PPA2: variants seen among roughly 807,000 people sequenced by gnomAD.
The protein encoded by PPA2 is inorganic pyrophosphatase 2.
In PPA2, 48 loss-of-function variants were observed where a neutral mutation model predicts 49.5. The observed-to-expected ratio is 0.97, with a 90% confidence interval of 0.77 to 1.23. The LOEUF (loss-of-function observed/expected upper bound fraction) is 1.23. Among genes scored for constraint, PPA2 ranks in the 50% most tolerant of loss-of-function variants. The probability of loss-of-function intolerance (pLI) is 0.00; values close to 1 mark genes in which losing one functional copy is unlikely to be tolerated. For synonymous variants in PPA2, 131 were observed against 139.9 expected (o/e 0.94, Z 0.45); for missense variants, 429 against 410.1 (o/e 1.05, Z -0.40).
At chr4:105,439,754 T>A (rs1369722557) in intron 5 of PPA2, among the ~76,000 whole-genome samples, 1 of 152,044 alleles carries the variant, frequency 6.6e-6, no homozygotes, top group East Asian at 1.9e-4. Flanking sequence ...GTTACATATG[T>A]ATACATGTGT....
intron 6 of PPA2, among the ~76,000 whole-genome samples, chr4:105,432,830 T>C (rs1723876790): frequency 6.6e-6 from 1 of 152,196 alleles, no homozygotes; most frequent in East Asian, 1.9e-4. Flanking sequence ...TGGACACCCC[T>C]GGTGTAAAGA....
intron 6 of PPA2, among the ~76,000 whole-genome samples, chr4:105,437,286 G>C (rs1724105451): frequency 1.3e-5 from 2 of 152,096 alleles, no homozygotes; most frequent in Non-Finnish European, 2.9e-5. Flanking sequence ...AAGGTAAGAT[G>C]TTCTTCTAGG....
chr4:105,437,396 T>C (rs73836209), intron 6 of PPA2, among the ~76,000 whole-genome samples: 14,366 of 152,192 alleles, frequency 0.094, 748 homozygotes, highest in African/African-American at 0.12. Flanking sequence ...CAAAGACATA[T>C]AGAAGAATTG....
At chr4:105,437,610 T>C (rs72668261) in intron 6 of PPA2, among the ~76,000 whole-genome samples, 9,647 of 152,132 alleles carry the variant, frequency 0.063, 403 homozygotes, top group Non-Finnish European at 0.096. Context: ...CATAAAATAA[T>C]AAAATAATAA....
intron 7 of PPA2, among the ~76,000 whole-genome samples, chr4:105,418,581 C>T (rs2726462): frequency 0.37 from 56,891 of 152,096 alleles, 12,598 homozygotes; most frequent in East Asian, 0.68. Context: ...AATAATTGCT[C>T]ATATGATTTA....
intron 5 of PPA2, among the ~76,000 whole-genome samples, chr4:105,443,630 C>CAT (rs1037274079): frequency 8.4e-6 from 1 of 118,516 alleles, no homozygotes; most frequent in African/African-American, 2.7e-5. Flanking sequence ...CACACACACA[C>CAT]ACACACAGAC....
At chr4:105,411,039 G>A (rs1223206982) in intron 7 of PPA2, among the ~76,000 whole-genome samples, 6 of 152,120 alleles carry the variant, frequency 3.9e-5, no homozygotes, top group Admixed American at 1.3e-4. Flanking sequence ...ACATTATAAC[G>A]ACAGGACTAA....
intron 8 of PPA2, 70 bp from the exon 9 acceptor site, chr4:105,396,404 T>A: frequency 9.6e-7 from 1 of 1,043,892 alleles, no homozygotes; most frequent in Non-Finnish European, 1.4e-6. Flanking sequence ...AACACAAAAC[T>A]AATCTTGTGA....
chr4:105,392,454 C>G (rs1382965818), intron 9 of PPA2, among the ~76,000 whole-genome samples: 2 of 152,104 alleles, frequency 1.3e-5, no homozygotes, highest in Admixed American at 6.5e-5. Context: ...GCGTGGATCA[C>G]CTGCGGTCAG....
In PPA2 at chr4:105,413,258, G is replaced by C. The variant is rs1481779741; in HGVS notation, c.655+10938C>G. Among the ~76,000 whole-genome samples, 3 of 151,570 alleles carry C rather than the reference G, an allele frequency of 2.0e-5. No homozygotes were observed. The South Asian group carries it at 6.3e-4, about 32-fold the overall frequency. ...AAAACCAAACACCACTCATAGGTGG[G>C]AGTTGAACAATGAGAACACATGGAC... On this transcript the variant is annotated intron_variant, in intron 7 of 11. Coordinates refer to ENST00000341695, the MANE Select transcript of PPA2 (RefSeq NM_176869.3).
chr4:105,371,787 T>C (rs1054873286), intron 10 of PPA2, among the ~76,000 whole-genome samples: 2 of 152,160 alleles, frequency 1.3e-5, no homozygotes, highest in African/African-American at 4.8e-5. Context: ...GTGTTCCATC[T>C]CACTATCTTG....
chr4:105,407,262 A>C (rs903425815), intron 7 of PPA2, among the ~76,000 whole-genome samples: 3 of 152,212 alleles, frequency 2.0e-5, no homozygotes, highest in Non-Finnish European at 2.9e-5. Flanking sequence ...CAAATGTAAA[A>C]GACACATGTA....
At chr4:105,370,720 T>A in intron 11 of PPA2, 117 bp downstream of exon 11, 1 of 1,183,160 alleles carries the variant, frequency 8.5e-7, no homozygotes, top group Non-Finnish European at 1.1e-6. Flanking sequence ...ATATTTCACT[T>A]AGCTTATACA....
chr4:105,465,941 G>A (rs542203053), intron 1 of PPA2, among the ~76,000 whole-genome samples: 15 of 152,042 alleles, frequency 9.9e-5, no homozygotes, highest in Admixed American at 5.2e-4. Context: ...CAATCTCTAC[G>A]TCACTTCTTC....
At chr4:105,408,148 G>T (rs942126843) in intron 7 of PPA2, among the ~76,000 whole-genome samples, 17 of 152,236 alleles carry the variant, frequency 1.1e-4, no homozygotes, top group African/African-American at 3.6e-4. Context: ...AACAGTGTGG[G>T]AGTGAAAAAA....
chr4:105,377,100 T>C (rs1733285866), intron 10 of PPA2, among the ~76,000 whole-genome samples: 1 of 152,180 alleles, frequency 6.6e-6, no homozygotes, highest in Non-Finnish European at 1.5e-5. Flanking sequence ...CCTCCCTTTC[T>C]TCCTATTAAA....
intron 1 of PPA2, among the ~76,000 whole-genome samples, chr4:105,465,321 T>A (rs540820827): frequency 6.6e-6 from 1 of 152,314 alleles, no homozygotes; most frequent in South Asian, 2.1e-4. Flanking sequence ...CATAATCACG[T>A]CTATAAGTTA....
chr4:105,466,785 G>A (rs907000940), intron 1 of PPA2, among the ~76,000 whole-genome samples: 4 of 152,080 alleles, frequency 2.6e-5, no homozygotes, highest in African/African-American at 9.7e-5. Flanking sequence ...TCTTCCCTTG[G>A]GGCAGGCTGT....
intron 1 of PPA2, 117 bp downstream of exon 1, chr4:105,473,777 T>C: frequency 3.5e-6 from 5 of 1,442,268 alleles, no homozygotes; most frequent in Non-Finnish European, 4.8e-6. Context: ...CGGCTACCGC[T>C]GAGGGCCCCA....
Sources: gnomAD v4.1 joint callset for allele counts (sites outside exome capture counted in the v4.1 genomes callset) on GRCh38, gnomAD v4.1.1 for gene constraint, MANE v1.5 for transcripts, NCBI Gene and HGNC (gene_info 2026-07-23, HGNC 2026-07-21) for gene names.